Variants in SLC67A2 observed in about 807,000 individuals in gnomAD.
The protein encoded by SLC67A2 is solute carrier family 67 member 2.
chr2:102,728,343 C>A, the SLC67A2 span, among the ~76,000 whole-genome samples: 1 of 152,110 alleles, frequency 6.6e-6, no homozygotes, highest in South Asian at 2.1e-4. Flanking sequence ...TGATGTTCCA[C>A]AACCATTCCT....
chr2:102,718,969 G>A, the SLC67A2 span: 1 of 1,614,248 alleles, frequency 6.2e-7, no homozygotes, highest in Non-Finnish European at 8.5e-7. Flanking sequence ...CCATCAGCAA[G>A]CGCACCAGAA....
At chr2:102,720,629 C>T in the SLC67A2 span, among the ~76,000 whole-genome samples, 1 of 152,060 alleles carries the variant, frequency 6.6e-6, no homozygotes, top group African/African-American at 2.4e-5. Flanking sequence ...CATAACAAGG[C>T]TATGTGTTTT....
the SLC67A2 span, among the ~76,000 whole-genome samples, chr2:102,731,540 C>A: frequency 9.9e-5 from 15 of 152,092 alleles, no homozygotes; most frequent in South Asian, 2.3e-3. Context: ...ATTTTTTTTA[C>A]AGAGCTCTTT....
the SLC67A2 span, chr2:102,718,518 T>C: frequency 5.0e-6 from 8 of 1,613,088 alleles, no homozygotes; most frequent in Middle Eastern, 4.9e-4. Flanking sequence ...GCGCCCAGGC[T>C]GGGGGGGCCG....
chr2:102,719,725 A>G, the SLC67A2 span, among the ~76,000 whole-genome samples: 1 of 152,212 alleles, frequency 6.6e-6, no homozygotes, highest in Non-Finnish European at 1.5e-5. Context: ...AGAGGTTCAG[A>G]TAAGAAAAGA....
At chr2:102,733,645 G>A in the SLC67A2 span, among the ~76,000 whole-genome samples, 1 of 151,924 alleles carries the variant, frequency 6.6e-6, no homozygotes, top group African/African-American at 2.4e-5. Context: ...CATCTCATCA[G>A]CCCACTGATG....
At chr2:102,732,491 T>TAAAACC in the SLC67A2 span, 1 of 1,128,832 alleles carries the variant, frequency 8.9e-7, no homozygotes, top group African/African-American at 1.6e-5. Flanking sequence ...ATTTAAAAAA[T>TAAAACC]AAAACCAATA....
the SLC67A2 span, among the ~76,000 whole-genome samples, chr2:102,734,749 A>G: frequency 6.6e-6 from 1 of 152,228 alleles, no homozygotes; most frequent in Non-Finnish European, 1.5e-5. Context: ...TCTTGAATAC[A>G]TTATTAAAGT....
the SLC67A2 span, chr2:102,716,095 C>T: frequency 5.9e-5 from 9 of 152,062 alleles, no homozygotes; most frequent in Non-Finnish European, 5.9e-5. Flanking sequence ...AAAAGGTGCA[C>T]CTAAAAAACA....
the SLC67A2 span, chr2:102,736,857 C>G: frequency 6.5e-7 from 1 of 1,548,094 alleles, no homozygotes; most frequent in Non-Finnish European, 8.7e-7. Flanking sequence ...GCGGACCTAC[C>G]CCGGGAGCCC....
chr2:102,722,759 G>C, the SLC67A2 span, among the ~76,000 whole-genome samples: 1 of 152,000 alleles, frequency 6.6e-6, no homozygotes. Flanking sequence ...TCCAAAAATA[G>C]ACAAGTGGAA....
chr2:102,736,479 G>A, the SLC67A2 span: 1 of 1,489,814 alleles, frequency 6.7e-7, no homozygotes, highest in South Asian at 1.3e-5. Flanking sequence ...GATGCAGACT[G>A]AAGTGGGTGA....
chr2:102,736,501 G>T, the SLC67A2 span: 1 of 1,552,860 alleles, frequency 6.4e-7, no homozygotes, highest in Non-Finnish European at 8.6e-7. Context: ...AGGGCAAGAG[G>T]AGAGCTTGAT....
chr2:102,725,865 A>G, the SLC67A2 span, among the ~76,000 whole-genome samples: 2 of 152,176 alleles, frequency 1.3e-5, no homozygotes, highest in Non-Finnish European at 2.9e-5. Context: ...GTTAAAAGCA[A>G]GCAGTTTAAC....
At chr2:102,718,367 C>T in the SLC67A2 span, 4,263 of 1,592,786 alleles carry the variant, frequency 2.7e-3, 101 homozygotes, top group African/African-American at 0.043. Flanking sequence ...TCATGGCCTC[C>T]GGCCCTCATT....
the SLC67A2 span, among the ~76,000 whole-genome samples, chr2:102,725,328 C>T: frequency 6.6e-6 from 1 of 152,174 alleles, no homozygotes. Context: ...ATATATAGCT[C>T]TCATTTGTGA....
chr2:102,735,361 T>C, the SLC67A2 span, among the ~76,000 whole-genome samples: 1 of 152,344 alleles, frequency 6.6e-6, no homozygotes, highest in East Asian at 1.9e-4. Flanking sequence ...TAACTCAACA[T>C]AGAGTTGCTA....
the SLC67A2 span, chr2:102,736,861 G>A: frequency 1.3e-6 from 2 of 1,544,680 alleles, no homozygotes; most frequent in Non-Finnish European, 8.7e-7. Context: ...ACCTACCCCG[G>A]GAGCCCAGCC....
At chr2:102,718,956 T>C in the SLC67A2 span, 7 of 1,614,242 alleles carry the variant, frequency 4.3e-6, no homozygotes, top group Middle Eastern at 1.6e-4. Context: ...ATGACTGCCA[T>C]GGCCATCAGC....
Sources: gnomAD v4.1 joint callset for allele counts (sites outside exome capture counted in the v4.1 genomes callset) on GRCh38, gnomAD v4.1.1 for gene constraint, MANE v1.5 for transcripts, NCBI Gene and HGNC (gene_info 2026-07-23, HGNC 2026-07-21) for gene names.